The following SCD5 variants were observed in gnomAD, a reference collection of about 807,000 sequenced individuals.
SCD5 encodes the protein stearoyl-CoA desaturase 5.
A neutral mutation model predicts 30.4 loss-of-function variants in SCD5; 20 were observed. That is an observed-to-expected ratio of 0.66 (90% confidence interval 0.46 to 0.96). The LOEUF is 0.96. Among genes scored for constraint, SCD5 ranks in the 40% least tolerant of loss-of-function variants. SCD5 has a pLI of 0.00. For synonymous variants in SCD5, 173 were observed against 176.4 expected (o/e 0.98, Z 0.16); for missense variants, 381 against 443.3 (o/e 0.86, Z 1.26).
chr4:82,723,324 T>G (rs1720408061), intron 1 of SCD5, among the ~76,000 whole-genome samples: 1 of 152,178 alleles, frequency 6.6e-6, no homozygotes. Context: ...ACCAAGAAGT[T>G]CTTTTCACAA....
chr4:82,793,513 C>T (rs1450804092), intron 1 of SCD5, among the ~76,000 whole-genome samples: 1 of 152,202 alleles, frequency 6.6e-6, no homozygotes, highest in Non-Finnish European at 1.5e-5. Flanking sequence ...CCAAATCTAT[C>T]TTTTCTATGC....
At chr4:82,796,907 G>C (rs1030673508) in intron 1 of SCD5, among the ~76,000 whole-genome samples, 6 of 152,186 alleles carry the variant, frequency 3.9e-5, no homozygotes, top group South Asian at 2.1e-4. Context: ...ACAGAAATGA[G>C]GAGGTGCACT....
intron 1 of SCD5, 124 bp downstream of exon 1, chr4:82,798,182 G>A (rs1260313593): frequency 6.7e-6 from 7 of 1,051,000 alleles, no homozygotes; most frequent in South Asian, 4.6e-5. Context: ...CGCGCAGCGG[G>A]AGGCGAGGGG....
intron 3 of SCD5, among the ~76,000 whole-genome samples, chr4:82,664,999 C>CTCTCTCTCTCTCTCTATA (rs1219554314): frequency 1.4e-4 from 10 of 70,482 alleles, no homozygotes; most frequent in African/African-American, 1.5e-4. Flanking sequence ...CTCTCTCTCT[C>CTCTCTCTCTCTCTCTATA]TATATATATA....
chr4:82,695,923 A>G (rs1419101746), intron 2 of SCD5, among the ~76,000 whole-genome samples: 2 of 152,182 alleles, frequency 1.3e-5, no homozygotes, highest in African/African-American at 4.8e-5. Flanking sequence ...GACACTTTTG[A>G]GCAATTTAAC....
At chr4:82,635,234 CT>C (rs1375413146) in intron 4 of SCD5, among the ~76,000 whole-genome samples, 1 of 152,190 alleles carries the variant, frequency 6.6e-6, no homozygotes, top group Non-Finnish European at 1.5e-5. Flanking sequence ...TCTGAAGTAA[CT>C]GCTATGATTA....
chr4:82,732,382 G>C (rs191416815), intron 1 of SCD5, among the ~76,000 whole-genome samples: 2 of 152,284 alleles, frequency 1.3e-5, no homozygotes, highest in East Asian at 3.9e-4. Context: ...GAGCCACCAC[G>C]CCTGGCCTCC....
At chr4:82,707,886 C>T (rs1486580652) in intron 1 of SCD5, among the ~76,000 whole-genome samples, 1 of 152,152 alleles carries the variant, frequency 6.6e-6, no homozygotes, top group Non-Finnish European at 1.5e-5. Flanking sequence ...TCCTGTCCCA[C>T]AAAAACTGTA....
rs1388333742 is a variant in SCD5 at position 82,631,136 on chromosome 4, AC to A, written c.*190del. On this transcript the variant is annotated 3_prime_UTR_variant, in exon 5 of 5. Coordinates refer to ENST00000319540, the MANE Select transcript of SCD5 (RefSeq NM_001037582.3). ...AAAAACAAAACAAACAAAAAAAAAAACGAAAGTTTTTTCATTGATAATTGTA... is the reference window on the plus strand; with the variant it reads ...AAAAACAAAACAAACAAAAAAAAAAAGAAAGTTTTTTCATTGATAATTGTA... The A allele has an allele frequency of 3.9e-6, 2 of 516,674 alleles. No individual in the cohort carries two copies. The highest frequency in any genetic ancestry group is 3.7e-5 in the South Asian group (1 of 27,134). 32.0% of individuals were successfully genotyped at this position (516,674 alleles called of 1,614,324 possible). A position where few individuals can be genotyped will look rare whatever the true frequency, so the allele number is the denominator to read the frequency against.
At chr4:82,765,856 G>C (rs1339418637) in intron 1 of SCD5, among the ~76,000 whole-genome samples, 1 of 152,180 alleles carries the variant, frequency 6.6e-6, no homozygotes, top group Admixed American at 6.5e-5. Context: ...CTGGCCTCAA[G>C]TGATCCGCCT....
At chr4:82,654,246 T>G (rs1727823086) in intron 3 of SCD5, among the ~76,000 whole-genome samples, 1 of 152,134 alleles carries the variant, frequency 6.6e-6, no homozygotes, top group Non-Finnish European at 1.5e-5. Context: ...GTGTGACAGA[T>G]TTATTATTGT....
intron 1 of SCD5, among the ~76,000 whole-genome samples, chr4:82,764,042 G>T (rs1721434005): frequency 6.6e-6 from 1 of 152,148 alleles, no homozygotes; most frequent in Non-Finnish European, 1.5e-5. Context: ...CATGTTTAAA[G>T]AGAGTTTCTT....
At chr4:82,657,403 G>A (rs1216078617) in intron 3 of SCD5, among the ~76,000 whole-genome samples, 2 of 152,130 alleles carry the variant, frequency 1.3e-5, no homozygotes, top group African/African-American at 2.4e-5. Context: ...AAGATCAGAT[G>A]GTTGTAGATG....
At chr4:82,730,829 T>C (rs1402434510) in intron 1 of SCD5, among the ~76,000 whole-genome samples, 2 of 151,784 alleles carry the variant, frequency 1.3e-5, no homozygotes, top group East Asian at 1.9e-4. Context: ...CGTAATCCGC[T>C]TGCCTCGGCC....
chr4:82,751,196 C>A (rs939483050), intron 1 of SCD5, among the ~76,000 whole-genome samples: 6 of 152,088 alleles, frequency 3.9e-5, no homozygotes, highest in Non-Finnish European at 1.5e-5. Context: ...AGGAGTTTTT[C>A]ATTTAACTTG....
At chr4:82,763,732 T>A (rs1721427907) in intron 1 of SCD5, among the ~76,000 whole-genome samples, 1 of 152,230 alleles carries the variant, frequency 6.6e-6, no homozygotes, top group Non-Finnish European at 1.5e-5. Flanking sequence ...CCTTCCCACA[T>A]CTTGACCTTG....
At chr4:82,764,273 T>C (rs947985594) in intron 1 of SCD5, among the ~76,000 whole-genome samples, 1 of 152,212 alleles carries the variant, frequency 6.6e-6, no homozygotes, top group Non-Finnish European at 1.5e-5. Flanking sequence ...AAAAGAACAG[T>C]TGCATCATCA....
chr4:82,784,090 T>C (rs1360441093), intron 1 of SCD5, among the ~76,000 whole-genome samples: 1 of 152,108 alleles, frequency 6.6e-6, no homozygotes, highest in Non-Finnish European at 1.5e-5. Flanking sequence ...CGAATCTGGA[T>C]AGAGTCTACG....
chr4:82,764,148 G>A (rs1721438119), intron 1 of SCD5, among the ~76,000 whole-genome samples: 1 of 152,052 alleles, frequency 6.6e-6, no homozygotes, highest in African/African-American at 2.4e-5. Flanking sequence ...TACATCACTA[G>A]CCTCCTACAA....
Sources: gnomAD v4.1 joint callset for allele counts (sites outside exome capture counted in the v4.1 genomes callset) on GRCh38, gnomAD v4.1.1 for gene constraint, MANE v1.5 for transcripts, NCBI Gene and HGNC (gene_info 2026-07-23, HGNC 2026-07-21) for gene names.